Variants in PCDH11X observed in about 807,000 individuals in gnomAD.
The protein encoded by PCDH11X is protocadherin-11 X-linked.
PCDH11X carries 18 observed loss-of-function variants against 53.3 expected under a neutral mutation model. The ratio of observed to expected loss-of-function variants is 0.34; its 90% CI spans 0.23 to 0.50. PCDH11X has a LOEUF of 0.50. PCDH11X is among the 20% of genes least tolerant of loss of function. PCDH11X has a pLI of 0.98. For synonymous variants in PCDH11X, 279 were observed against 393.3 expected, an observed-to-expected ratio of 0.71 and a Z score of 3.44; for missense variants, 570 against 1,032.4, an observed-to-expected ratio of 0.55 and a Z score of 6.14.
chrX:92,224,441 C>T (rs1049816612), intron 7 of PCDH11X, among the ~76,000 whole-genome samples: 5 of 111,662 alleles, frequency 4.5e-5, no homozygotes, highest in Non-Finnish European at 7.5e-5. Flanking sequence ...AGGATGCCTC[C>T]GTACCTTGAG....
At chrX:92,016,629 C>T (rs747198340) in intron 6 of PCDH11X, among the ~76,000 whole-genome samples, 39 of 108,437 alleles carry the variant, frequency 3.6e-4, no homozygotes, top group Non-Finnish European at 5.9e-4. Context: ...TTTCAGCCTT[C>T]GTAGAATTGA....
intron 7 of PCDH11X, among the ~76,000 whole-genome samples, chrX:92,218,582 G>A (rs2066778920): frequency 1.8e-5 from 2 of 110,403 alleles, no homozygotes; most frequent in African/African-American, 3.3e-5. Flanking sequence ...CAGAGTCCAG[G>A]ACCAGATGGA....
chrX:91,859,328 ATTTGT>A (rs1938530662), intron 5 of PCDH11X, among the ~76,000 whole-genome samples: 1 of 107,622 alleles, frequency 9.3e-6, no homozygotes, highest in Admixed American at 1.0e-4. Flanking sequence ...TTTCTTGTAA[ATTTGT>A]TTAAGTTCCT....
chrX:91,867,838 T>TA (rs760056816), intron 5 of PCDH11X, among the ~76,000 whole-genome samples: 58 of 111,709 alleles, frequency 5.2e-4, no homozygotes, highest in African/African-American at 1.8e-3. Flanking sequence ...TCCAGATTTA[T>TA]AAAAAAAGAC....
intron 10 of PCDH11X, among the ~76,000 whole-genome samples, chrX:92,600,244 C>T (rs776994589): frequency 2.8e-5 from 3 of 108,653 alleles, no homozygotes; most frequent in African/African-American, 1.0e-4. Flanking sequence ...TATTAATCAC[C>T]AAAACAGTAG....
rs759116010 is a variant in PCDH11X, at chrX:92,253,274, G to A, written c.3115-9840G>A. Among the ~76,000 whole-genome samples, 223 of 111,377 alleles carry A rather than the reference G, an allele frequency of 2.0e-3. 1 individual carries two copies. Among genetic ancestry groups the A allele is most frequent in the African/African-American group, 7.0e-3 (213 of 30,634 alleles). ...TGTAGGTGTGCGGATTTGTTTCTGGGTTCTCCATTCTGTTTCATTGGCTTA... is the reference window on the plus strand; with the variant it reads ...TGTAGGTGTGCGGATTTGTTTCTGGATTCTCCATTCTGTTTCATTGGCTTA... On this transcript the variant is annotated intron_variant, in intron 7 of 10. Transcript: ENST00000682573.
chrX:92,340,385 C>T (rs1228934706), intron 8 of PCDH11X, among the ~76,000 whole-genome samples: 1 of 112,058 alleles, frequency 8.9e-6, no homozygotes, highest in Non-Finnish European at 1.9e-5. Flanking sequence ...CCACATTTCT[C>T]CTCTGCACTG....
At chrX:92,451,348 A>G (rs1437428255) in intron 9 of PCDH11X, among the ~76,000 whole-genome samples, 1 of 110,295 alleles carries the variant, frequency 9.1e-6, no homozygotes, top group East Asian at 2.8e-4. Context: ...ATGTTTTACC[A>G]AAATTAAAAA....
chrX:92,284,570 C>G (rs1165374529), intron 8 of PCDH11X, among the ~76,000 whole-genome samples: 1 of 112,225 alleles, frequency 8.9e-6, no homozygotes, highest in African/African-American at 3.2e-5. Context: ...TGACCCTCTT[C>G]CATATTGGTA....
intron 9 of PCDH11X, among the ~76,000 whole-genome samples, chrX:92,396,737 G>A (rs1446562978): frequency 2.0e-5 from 2 of 99,852 alleles, no homozygotes; most frequent in African/African-American, 7.5e-5. Context: ...CAGCTACTTG[G>A]GAGGCTGAAG....
chrX:91,863,991 G>A (rs1259233517), intron 5 of PCDH11X, among the ~76,000 whole-genome samples: 3 of 111,778 alleles, frequency 2.7e-5, no homozygotes, highest in African/African-American at 9.8e-5. Flanking sequence ...TTGGTTCATT[G>A]TTTATTCTTT....
At chrX:91,917,774 A>G (rs1447315072) in intron 6 of PCDH11X, among the ~76,000 whole-genome samples, 11 of 108,051 alleles carry the variant, frequency 1.0e-4, no homozygotes, top group African/African-American at 3.7e-4. Flanking sequence ...ATTCAATGCC[A>G]TTCCCATCAA....
intron 5 of PCDH11X, among the ~76,000 whole-genome samples, chrX:91,838,122 G>T (rs1367071004): frequency 1.8e-5 from 2 of 111,705 alleles, no homozygotes; most frequent in African/African-American, 6.5e-5. Context: ...GAATAATTTT[G>T]TCGTGTCTCC....
chrX:92,601,487 G>A, intron 10 of PCDH11X, among the ~76,000 whole-genome samples: 1 of 90,907 alleles, frequency 1.1e-5, no homozygotes, highest in South Asian at 5.1e-4. Flanking sequence ...TAAGGAAAAT[G>A]GTATGGTGAT....
chrX:92,030,199 G>A (rs1482567064), intron 6 of PCDH11X, among the ~76,000 whole-genome samples: 1 of 111,666 alleles, frequency 9.0e-6, no homozygotes, highest in Non-Finnish European at 1.9e-5. Context: ...TTGACCTCGT[G>A]ATCTGCCCGC....
chrX:92,157,536 C>A lies in PCDH11X; in HGVS notation c.3034-43839C>A, dbSNP rs753577496. On this transcript the variant is annotated intron_variant, in intron 6 of 10. Transcript: ENST00000682573. The stretch of plus-strand genomic sequence containing the variant: ...AGTTGTTTCAGTACATGGTGAGTCA[C>A]TATAAGAAAACGATTTTAAAGCACG... Among the ~76,000 whole-genome samples, 11 of 111,533 alleles carry A rather than the reference C, an allele frequency of 9.9e-5. No individual in the cohort carries two copies. The South Asian group carries it at 4.1e-3, about 42-fold the overall frequency.
intron 10 of PCDH11X, among the ~76,000 whole-genome samples, chrX:92,486,761 TTTA>T (rs1452752631): frequency 9.1e-6 from 1 of 109,859 alleles, no homozygotes; most frequent in African/African-American, 3.3e-5. Context: ...TTTCTGATTT[TTTA>T]TTATCACTCA....
chrX:92,124,853 A>G (rs1245638883), intron 6 of PCDH11X, among the ~76,000 whole-genome samples: 2 of 110,477 alleles, frequency 1.8e-5, no homozygotes, highest in African/African-American at 6.7e-5. Flanking sequence ...TTATTTATGC[A>G]TTTGTTTGTT....
At chrX:91,991,100 A>G (rs1040065453) in intron 6 of PCDH11X, among the ~76,000 whole-genome samples, 11 of 109,893 alleles carry the variant, frequency 1.0e-4, no homozygotes, top group Non-Finnish European at 1.9e-5. Flanking sequence ...AGAGTGACTA[A>G]TTACTACTTT....
Sources: allele counts gnomAD v4.1 joint callset (sites outside exome capture counted in the v4.1 genomes callset), GRCh38; gene constraint gnomAD v4.1.1; transcripts MANE v1.5; gene names NCBI Gene and HGNC (gene_info 2026-07-23, HGNC 2026-07-21).